EHMT1: variants seen among roughly 807,000 people sequenced by gnomAD.
EHMT1 encodes euchromatic histone lysine methyltransferase 1, also known as histone-lysine N-methyltransferase EHMT1.
EHMT1 carries 15 observed loss-of-function variants against 147.2 expected under a neutral mutation model. The ratio of observed to expected loss-of-function variants is 0.10; its 90% CI spans 0.07 to 0.16. EHMT1 has a LOEUF of 0.16. EHMT1 is among the 10% of genes least tolerant of loss of function. The pLI, the probability that EHMT1 is intolerant of heterozygous loss-of-function variation, is 1.00. For missense variants in EHMT1, 1,587 were observed against 1,772.4 expected (o/e 0.90, Z 1.88); for synonymous variants, 795 against 709.6 (o/e 1.12, Z -1.91).
chr9:137,654,710 G>GC (rs926629215), intron 1 of EHMT1, among the ~76,000 whole-genome samples: 1 of 152,198 alleles, frequency 6.6e-6, no homozygotes, highest in Non-Finnish European at 1.5e-5. Flanking sequence ...GGCAGTACAT[G>GC]CCTGAAGGCT....
intron 4 of EHMT1, among the ~76,000 whole-genome samples, chr9:137,735,764 C>T (rs1947478596): frequency 6.6e-6 from 1 of 152,160 alleles, no homozygotes; most frequent in African/African-American, 2.4e-5. Context: ...TGAGTGAATT[C>T]TCGCTCTTAG....
chr9:137,681,557 C>CT (rs1030808848), intron 1 of EHMT1, among the ~76,000 whole-genome samples: 1 of 152,084 alleles, frequency 6.6e-6, no homozygotes, highest in African/African-American at 2.4e-5. Context: ...TGTCCACTGC[C>CT]TTGGTATTTC....
At chr9:137,755,397 T>C (rs1949308146) in intron 8 of EHMT1, among the ~76,000 whole-genome samples, 1 of 152,236 alleles carries the variant, frequency 6.6e-6, no homozygotes, top group Non-Finnish European at 1.5e-5. Flanking sequence ...GGCTGTCGAA[T>C]GGCCAGGAGT....
At chr9:137,752,308 G>A (rs770935375) in intron 6 of EHMT1, 23 bp from the exon 7 acceptor site, 7 of 1,613,372 alleles carry the variant, frequency 4.3e-6, no homozygotes, top group Middle Eastern at 1.7e-4. Flanking sequence ...TTGGGTTCCC[G>A]CTTCGACTGT....
In EHMT1 at chr9:137,758,024, G is replaced by T. The variant is rs3125794; in HGVS notation, c.1501+13G>T. On this transcript the variant is annotated intron_variant, in intron 9 of 26. Transcript: ENST00000460843. ...TCACAAGCAGAAGGTGAATGTGGTG[G>T]TGTAACTTAGACCGGGCACCATCTT... 0.052 allele frequency: 84,306 copies of T among 1,613,744 alleles called. 7,665 individuals carry two copies. Among genetic ancestry groups the T allele is most frequent in the African/African-American group, 0.41 (30,777 of 74,816 alleles).
intron 1 of EHMT1, among the ~76,000 whole-genome samples, chr9:137,668,893 TTTC>T (rs138817432): frequency 0.013 from 1,905 of 152,262 alleles, 15 homozygotes; most frequent in Middle Eastern, 0.054. Flanking sequence ...GCCAAGTTGT[TTTC>T]TTTTTTTGGA....
chr9:137,716,595 C>T lies in EHMT1; in HGVS notation c.86-31C>T, dbSNP rs750706280. The T allele has an allele frequency of 2.6e-6, 4 of 1,532,254 alleles. No individual in the cohort carries two copies. The South Asian group carries it at 3.9e-5, about 15-fold the overall frequency. 94.9% of individuals were successfully genotyped at this position (1,532,254 alleles called of 1,614,324 possible). ...GTGGTGCCATGGAGAGCGTGGCCTG[C>T]AGTCAGTGACACTCGTTTCTTTGTT... On this transcript the variant is annotated intron_variant, in intron 2 of 26. Coordinates refer to ENST00000460843, the MANE Select transcript of EHMT1 (RefSeq NM_024757.5).
At chr9:137,819,486 CCG>C (rs1377815176) in intron 25 of EHMT1, among the ~76,000 whole-genome samples, 2 of 322 alleles carry the variant, frequency 6.2e-3, no homozygotes, top group Admixed American at 0.019. Flanking sequence ...TGTACCGAGA[CCG>C]TAGAGAGGCC....
intron 1 of EHMT1, chr9:137,641,202 C>G: frequency 2.4e-6 from 1 of 420,794 alleles, no homozygotes; most frequent in Non-Finnish European, 4.7e-6. Context: ...AAGAACCTGT[C>G]TGGTTCCTCA....
intron 16 of EHMT1, 151 bp from the exon 17 acceptor site, chr9:137,798,662 C>G (rs62589745): frequency 3.2e-4 from 234 of 722,388 alleles, no homozygotes; most frequent in Non-Finnish European, 5.1e-4. Flanking sequence ...TCGGCTGTTC[C>G]CTCGGCCTCA....
At chr9:137,674,015 C>T (rs1377434608) in intron 1 of EHMT1, among the ~76,000 whole-genome samples, 1 of 152,172 alleles carries the variant, frequency 6.6e-6, no homozygotes, top group African/African-American at 2.4e-5. Context: ...GAGGCCCAGA[C>T]AAGGTGCTGA....
chr9:137,783,725 AG>A (rs1951741353), intron 15 of EHMT1, among the ~76,000 whole-genome samples: 1 of 152,070 alleles, frequency 6.6e-6, no homozygotes, highest in African/African-American at 2.4e-5. Context: ...TGCCTTTCTT[AG>A]GGCCAAGAAG....
chr9:137,702,490 C>G (rs1171138247), intron 1 of EHMT1, among the ~76,000 whole-genome samples: 4 of 152,218 alleles, frequency 2.6e-5, no homozygotes, highest in African/African-American at 9.6e-5. Flanking sequence ...TTCTTTGACT[C>G]CATGTCTCAC....
chr9:137,814,739 T>G, intron 22 of EHMT1: 2 of 608,778 alleles, frequency 3.3e-6, no homozygotes, highest in South Asian at 1.9e-5. Context: ...CTGCATCCTT[T>G]GTGGCTGCCT....
chr9:137,813,084 C>G lies in EHMT1; in HGVS notation c.2946C>G (p.Asn982Lys), dbSNP rs775125463. 6.2e-7 allele frequency: 1 copy of G among 1,613,722 alleles called. No homozygotes were observed. Among genetic ancestry groups the G allele is most frequent in the Non-Finnish European group, 8.5e-7 (1 of 1,180,038 alleles). Residue 982 changes from asparagine (N) to lysine (K), a missense_variant, in exon 20 of 27, where the codon AAC (asparagine) becomes AAG (lysine). Transcript: ENST00000460843. The surrounding 1 kb of genome is among the most constrained non-coding windows in gnomAD (Gnocchi z 4.9). ...GETPLQCASL[N>K]SQVWSALQMS... ...CGCCCCTGCAGTGTGCGAGCCTCAA[C>G]TCTCAGGTGTGGAGCGCTCTGCAGA...
At chr9:137,629,777 A>C (rs1410479835) in intron 1 of EHMT1, among the ~76,000 whole-genome samples, 1 of 150,250 alleles carries the variant, frequency 6.7e-6, no homozygotes, top group Non-Finnish European at 1.5e-5. Context: ...TGATCCGCCC[A>C]CCTCGGCCTC....
chr9:137,636,846 G>C (rs545344408), intron 1 of EHMT1, among the ~76,000 whole-genome samples: 2 of 150,142 alleles, frequency 1.3e-5, no homozygotes, highest in Non-Finnish European at 3.0e-5. Context: ...TGGTCTGTAG[G>C]TACCTCTTTT....
Position 137,834,378 on chromosome 9 carries a change from G to A in EHMT1, c.3570G>A (p.Arg1190=), listed in dbSNP as rs1426131619. Residue 1190 remains arginine, a synonymous_variant, in exon 26 of 27, where the codon CGG becomes CGA. Coordinates refer to ENST00000460843, the MANE Select transcript of EHMT1 (RefSeq NM_024757.5). The part of the protein sequence containing the change: ...KDGEVYCIDA[R]FYGNVSRFIN... ...GGGAGGTTTACTGCATCGACGCGCGGTTCTACGGGAACGTCAGCCGGTTCA... is the reference window on the plus strand; with the variant it reads ...GGGAGGTTTACTGCATCGACGCGCGATTCTACGGGAACGTCAGCCGGTTCA... 2 of 1,613,234 alleles carry A rather than the reference G, an allele frequency of 1.2e-6. No individual in the cohort carries two copies. Among genetic ancestry groups the A allele is most frequent in the Non-Finnish European group, 1.7e-6 (2 of 1,179,808 alleles).
intron 6 of EHMT1, chr9:137,747,468 A>G (rs1948639769): frequency 6.6e-6 from 1 of 152,206 alleles, no homozygotes; most frequent in African/African-American, 2.4e-5. Flanking sequence ...TCCTAAATAA[A>G]ATATGAATCA....
Sources: gnomAD v4.1 joint callset for allele counts (sites outside exome capture counted in the v4.1 genomes callset) on GRCh38, gnomAD v4.1.1 for gene constraint, Gnocchi (gnomAD v3.1) non-coding constraint, MANE v1.5 for transcripts, NCBI Gene and HGNC (gene_info 2026-07-23, HGNC 2026-07-21) for gene names.